TMEM117: variants seen among roughly 807,000 people sequenced by gnomAD.
TMEM117 encodes transmembrane protein 117.
In TMEM117, 27 loss-of-function variants were observed where a neutral mutation model predicts 52.4. That is an observed-to-expected ratio of 0.51 (90% CI 0.38 to 0.71). TMEM117 has a LOEUF of 0.71. Among genes scored for constraint, TMEM117 ranks in the 30% least tolerant of loss-of-function variants. The probability of loss-of-function intolerance (pLI) is 0.00; values close to 1 mark genes in which losing one functional copy is unlikely to be tolerated. For missense variants in TMEM117, 556 were observed against 630.5 expected, an observed-to-expected ratio of 0.88 and a Z score of 1.26; for synonymous variants, 215 against 206.3, an observed-to-expected ratio of 1.04 and a Z score of -0.36.
chr12:44,148,733 T>A (rs1565848743), intron 4 of TMEM117, among the ~76,000 whole-genome samples: 2 of 152,222 alleles, frequency 1.3e-5, no homozygotes, highest in Non-Finnish European at 2.9e-5. Context: ...ATGTCAATCA[T>A]ATTTATAATT....
the TMEM117 span, among the ~76,000 whole-genome samples, chr12:43,829,339 T>C: frequency 3.3e-5 from 5 of 152,234 alleles, no homozygotes; most frequent in African/African-American, 1.2e-4. Context: ...CCATCTATTG[T>C]CTGCTCATTT....
chr12:43,820,602 A>T, the TMEM117 span, among the ~76,000 whole-genome samples: 793 of 147,582 alleles, frequency 5.4e-3, 8 homozygotes, highest in African/African-American at 0.016. Context: ...TTTTTTTTAT[A>T]GAATCAATAC....
intron 2 of TMEM117, among the ~76,000 whole-genome samples, chr12:43,903,349 C>G (rs776109590): frequency 6.6e-6 from 1 of 151,934 alleles, no homozygotes; most frequent in Non-Finnish European, 1.5e-5. Context: ...GATATAAAAT[C>G]AATTGAGTCC....
intron 3 of TMEM117, among the ~76,000 whole-genome samples, chr12:44,136,136 A>C (rs753806926): frequency 1.3e-5 from 2 of 152,180 alleles, no homozygotes; most frequent in African/African-American, 4.8e-5. Flanking sequence ...ATGTGACTAA[A>C]TTAATTATGA....
At chr12:44,243,813 T>C (rs1007158654) in intron 5 of TMEM117, among the ~76,000 whole-genome samples, 2 of 151,700 alleles carry the variant, frequency 1.3e-5, no homozygotes, top group Admixed American at 6.6e-5. Context: ...GCAACAATCT[T>C]CTACTCTCTA....
intron 5 of TMEM117, among the ~76,000 whole-genome samples, chr12:44,231,296 TGTTTTAGAGTGTATCTCTA>T (rs1236224846): frequency 1.3e-5 from 2 of 151,982 alleles, no homozygotes; most frequent in African/African-American, 4.8e-5. Context: ...TGTTTATACA[TGTTTTAGAGTGTATCTCTA>T]GTTTCGTTTT....
chr12:44,189,895 A>G (rs745505848), intron 4 of TMEM117, among the ~76,000 whole-genome samples: 7 of 152,252 alleles, frequency 4.6e-5, no homozygotes, highest in Non-Finnish European at 7.3e-5. Context: ...GCTGAAAATT[A>G]TATGAAATTG....
chr12:44,331,092 T>G (rs533699112), intron 6 of TMEM117, among the ~76,000 whole-genome samples: 1 of 152,076 alleles, frequency 6.6e-6, no homozygotes, highest in South Asian at 2.1e-4. Flanking sequence ...TTGGTCAATT[T>G]CTGTGTGGAG....
intron 3 of TMEM117, among the ~76,000 whole-genome samples, chr12:44,051,300 G>A (rs1946967347): frequency 6.6e-6 from 1 of 152,070 alleles, no homozygotes; most frequent in Non-Finnish European, 1.5e-5. Context: ...GTGAGAGGGA[G>A]GATACTAATA....
At chr12:44,343,979 G>A (rs1028460554) in intron 6 of TMEM117, among the ~76,000 whole-genome samples, 3 of 152,048 alleles carry the variant, frequency 2.0e-5, no homozygotes, top group African/African-American at 7.2e-5. Flanking sequence ...GGAAGCTGGG[G>A]TAGATCAGAC....
intron 6 of TMEM117, among the ~76,000 whole-genome samples, chr12:44,370,295 G>T (rs1000302936): frequency 2.6e-5 from 4 of 151,944 alleles, no homozygotes; most frequent in African/African-American, 9.7e-5. Context: ...TTTCCTCTGT[G>T]ATCAATGACA....
intron 5 of TMEM117, among the ~76,000 whole-genome samples, chr12:44,287,454 T>C (rs780266113): frequency 1.3e-5 from 2 of 152,190 alleles, no homozygotes; most frequent in South Asian, 2.1e-4. Flanking sequence ...TTCCACCATA[T>C]TGGTTAAATA....
chr12:43,833,671 C>A (rs1020698108), upstream of TMEM117, among the ~76,000 whole-genome samples: 1 of 151,920 alleles, frequency 6.6e-6, no homozygotes, highest in East Asian at 1.9e-4. Flanking sequence ...CACCTGTGGT[C>A]CCAGCTACTT....
chr12:43,965,475 G>A (rs1460560812), intron 3 of TMEM117, among the ~76,000 whole-genome samples: 4 of 152,166 alleles, frequency 2.6e-5, no homozygotes, highest in Non-Finnish European at 5.9e-5. Context: ...GGATTACTCT[G>A]TCTCTCTTAG....
rs1006395025 is a variant in TMEM117, at chr12:44,114,082, C to T, written c.411-29443C>T. ...TGCTTCGGCTCGCGCACGGTGCGCA[C>T]ACACACTGGCCTGCGCCCACTGTCT... On this transcript the variant is annotated intron_variant, in intron 3 of 7. Transcript: ENST00000266534. Among the ~76,000 whole-genome samples, 185 of 148,666 alleles carry T rather than the reference C, an allele frequency of 1.2e-3. 1 individual carries two copies. The highest frequency in any genetic ancestry group is 4.2e-3 in the African/African-American group (165 of 39,618).
chr12:44,349,837 G>A (rs543182443), intron 6 of TMEM117, among the ~76,000 whole-genome samples: 1 of 152,126 alleles, frequency 6.6e-6, no homozygotes, highest in South Asian at 2.1e-4. Flanking sequence ...AAACATAAAA[G>A]ATGACTGAGA....
intron 5 of TMEM117, among the ~76,000 whole-genome samples, chr12:44,253,898 A>T (rs1250431688): frequency 6.6e-6 from 1 of 151,202 alleles, no homozygotes; most frequent in Admixed American, 6.6e-5. Context: ...TCAAAGAAAC[A>T]TTACAAAACT....
chr12:44,215,177 G>C (rs1305258350), intron 5 of TMEM117, among the ~76,000 whole-genome samples: 1 of 152,216 alleles, frequency 6.6e-6, no homozygotes, highest in African/African-American at 2.4e-5. Context: ...ATGCACAGCA[G>C]TTTGAGCAGC....
At chr12:44,079,774 G>C (rs945291396) in intron 3 of TMEM117, among the ~76,000 whole-genome samples, 2 of 152,002 alleles carry the variant, frequency 1.3e-5, no homozygotes, top group African/African-American at 2.4e-5. Flanking sequence ...CCAGCACTTT[G>C]GGAGGCCAAG....
Sources: gnomAD v4.1 joint callset for allele counts (sites outside exome capture counted in the v4.1 genomes callset) on GRCh38, gnomAD v4.1.1 for gene constraint, MANE v1.5 for transcripts, NCBI Gene and HGNC (gene_info 2026-07-23, HGNC 2026-07-21) for gene names.